The following KIAA1671 variants were observed in gnomAD, a reference collection of about 807,000 sequenced individuals.
KIAA1671 encodes KIAA1671, also known as uncharacterized protein KIAA1671.
Under a neutral mutation model 131.2 loss-of-function variants are expected in KIAA1671, and 52 were observed. The ratio of observed to expected loss-of-function variants is 0.40; its 90% CI spans 0.32 to 0.50. The LOEUF (loss-of-function observed/expected upper bound fraction) is 0.50, where lower values mean the gene tolerates loss of function less well. KIAA1671 is among the 20% of genes least tolerant of loss of function. KIAA1671 has a pLI of 0.73. For missense variants in KIAA1671, 2,360 were observed against 2,364.2 expected (o/e 1.00, Z 0.04); for synonymous variants, 1,003 against 961.6 (o/e 1.04, Z -0.80).
At chr22:24,992,748 G>T (rs1317442103) in intron 1 of KIAA1671, among the ~76,000 whole-genome samples, 1 of 140,100 alleles carries the variant, frequency 7.1e-6, no homozygotes, top group Non-Finnish European at 1.5e-5. Context: ...CCGGGAGGCG[G>T]AGGTTGCAGT....
intron 1 of KIAA1671, among the ~76,000 whole-genome samples, chr22:24,971,218 AGTGCTG>A (rs1922597731): frequency 1.3e-5 from 2 of 152,190 alleles, no homozygotes; most frequent in Admixed American, 1.3e-4. Context: ...GGCCTCCCAA[AGTGCTG>A]GGATTACAGG....
Position 24,987,022 on chromosome 22 carries a change from C to T in KIAA1671, c.-208+34250C>T, listed in dbSNP as rs1000124918. Among the ~76,000 whole-genome samples, 5 of 152,150 alleles carry T rather than the reference C, an allele frequency of 3.3e-5. No individual in the cohort carries two copies. In the East Asian group the frequency reaches 9.7e-4, roughly 29 times the overall value. On this transcript the variant is annotated intron_variant, in intron 1 of 12. Coordinates refer to ENST00000358431, the MANE Select transcript of KIAA1671 (RefSeq NM_001145206.2). The stretch of plus-strand genomic sequence containing the variant: ...CCGTTTACTGCACAAGCAGCCCAGA[C>T]AGGATGTAAACAAGTGGGTGTGGCT...
intron 1 of KIAA1671, among the ~76,000 whole-genome samples, chr22:24,962,238 G>C (rs1465755306): frequency 6.6e-6 from 1 of 152,150 alleles, no homozygotes; most frequent in Non-Finnish European, 1.5e-5. Flanking sequence ...AGCTGTGCTC[G>C]TTGTGGGCCA....
At chr22:25,042,224 C>T (rs923164147) in intron 5 of KIAA1671, among the ~76,000 whole-genome samples, 2 of 152,210 alleles carry the variant, frequency 1.3e-5, no homozygotes, top group African/African-American at 4.8e-5. Flanking sequence ...AGCGCGCCGG[C>T]CACCTGTTTT....
Position 25,041,345 on chromosome 22 carries a change from CAAG to C in KIAA1671, c.4217_4219del (p.Lys1406del). 6.4e-7 allele frequency: 1 copy of C among 1,551,690 alleles called. No homozygotes were observed. The highest frequency in any genetic ancestry group is 8.7e-7 in the Non-Finnish European group (1 of 1,147,000). On this transcript the variant is annotated inframe_deletion, in exon 5 of 13. Transcript: ENST00000358431. Reference sequence around the variant, plus strand: ...ACTGTGGACGGGTGCCGCTGGATATCAAGAGGGCCTACTCAGAGAAGGGGCCCC... The same window carrying C: ...ACTGTGGACGGGTGCCGCTGGATATCAGGGCCTACTCAGAGAAGGGGCCCC...
chr22:25,122,276 A>G (rs1215573995), intron 6 of KIAA1671, among the ~76,000 whole-genome samples: 1 of 152,148 alleles, frequency 6.6e-6, no homozygotes, highest in Non-Finnish European at 1.5e-5. Context: ...CCAGTGTGAC[A>G]TGTCGGTTTA....
Position 25,197,211 on chromosome 22 carries a change from C to T in KIAA1671, c.*4810C>T, listed in dbSNP as rs1601404070. On this transcript the variant is annotated 3_prime_UTR_variant, in exon 13 of 13. Coordinates refer to ENST00000358431, the MANE Select transcript of KIAA1671 (RefSeq NM_001145206.2). ...TCTAACCGTGTGACTGAGAAGTCAT[C>T]TAGAAAAACTTATATTTTTAATGTA... 6.6e-6 allele frequency: 1 copy of T among 152,254 alleles called. No individual in the cohort carries two copies. The highest frequency in any genetic ancestry group is 3.4e-3 in the Middle Eastern group (1 of 294). The allele number at this position is 152,254 out of a possible 1,614,324, so 9.4% of individuals were successfully genotyped here. A position where few individuals can be genotyped will look rare whatever the true frequency, so the allele number is the denominator to read the frequency against.
chr22:25,040,436 T>G lies in KIAA1671; in HGVS notation c.3306T>G (p.Thr1102=). The G allele has an allele frequency of 3.9e-6, 6 of 1,551,980 alleles. No homozygotes were observed. The highest frequency in any genetic ancestry group is 5.2e-6 in the Non-Finnish European group (6 of 1,147,048). Residue 1102 remains threonine (T), a synonymous_variant, in exon 5 of 13, where the codon ACT becomes ACG. Transcript: ENST00000358431. ...REHENASILK[T]LKPTDRPSSL... is the part of the protein sequence containing the mutation. ...ATGAAAATGCAAGCATTTTAAAAAC[T>G]CTGAAGCCAACAGACCGTCCATCAT...
At chr22:24,958,578 G>T (rs1268694032) in intron 1 of KIAA1671, among the ~76,000 whole-genome samples, 2 of 151,076 alleles carry the variant, frequency 1.3e-5, no homozygotes, top group Non-Finnish European at 2.9e-5. Context: ...TTGAACCCCG[G>T]AGGTGGAGGG....
At chr22:25,047,841 T>C (rs1402990236) in intron 5 of KIAA1671, among the ~76,000 whole-genome samples, 2 of 152,392 alleles carry the variant, frequency 1.3e-5, no homozygotes, top group East Asian at 3.9e-4. Context: ...TTTTATTTAT[T>C]GTTCTTTTGT....
chr22:25,168,706 A>T (rs965308460), intron 6 of KIAA1671, among the ~76,000 whole-genome samples: 3 of 152,062 alleles, frequency 2.0e-5, no homozygotes, highest in Non-Finnish European at 4.4e-5. Context: ...AAAAAAAAAA[A>T]AGTTTAGGGA....
intron 6 of KIAA1671, among the ~76,000 whole-genome samples, chr22:25,065,636 T>C (rs1029638019): frequency 2.6e-5 from 4 of 151,228 alleles, no homozygotes; most frequent in African/African-American, 9.7e-5. Context: ...AGAATTATTA[T>C]TATTATTATT....
At chr22:25,161,325 G>A (rs1001472125) in intron 6 of KIAA1671, among the ~76,000 whole-genome samples, 3 of 152,226 alleles carry the variant, frequency 2.0e-5, no homozygotes, top group African/African-American at 7.2e-5. Context: ...GCTCTGATGG[G>A]GAGGATGCCC....
chr22:25,092,906 G>A (rs948844002), intron 6 of KIAA1671, among the ~76,000 whole-genome samples: 1 of 152,154 alleles, frequency 6.6e-6, no homozygotes, highest in Non-Finnish European at 1.5e-5. Context: ...GTGGCCCCTC[G>A]GCCCCCTGCA....
At chr22:25,096,033 C>T (rs144997284) in intron 6 of KIAA1671, among the ~76,000 whole-genome samples, 38 of 152,312 alleles carry the variant, frequency 2.5e-4, no homozygotes, top group African/African-American at 7.0e-4. Context: ...CCCTGCCTGC[C>T]GCAGATGGTA....
chr22:24,988,410 C>G (rs1923667424), intron 1 of KIAA1671, among the ~76,000 whole-genome samples: 1 of 151,962 alleles, frequency 6.6e-6, no homozygotes, highest in African/African-American at 2.4e-5. Flanking sequence ...TCATATGATC[C>G]TTTGGGTAGA....
chr22:25,154,859 A>T (rs1394908622), intron 6 of KIAA1671, among the ~76,000 whole-genome samples: 1 of 152,216 alleles, frequency 6.6e-6, no homozygotes, highest in Non-Finnish European at 1.5e-5. Context: ...TGCAGGGCAG[A>T]TGAGAGGGGG....
chr22:25,133,180 C>T (rs906055231), intron 6 of KIAA1671, among the ~76,000 whole-genome samples: 5 of 152,120 alleles, frequency 3.3e-5, no homozygotes, highest in Admixed American at 2.0e-4. Flanking sequence ...AACCTCCAGA[C>T]GTGGTCCTTG....
intron 6 of KIAA1671, among the ~76,000 whole-genome samples, chr22:25,168,186 C>T (rs944018423): frequency 6.6e-6 from 1 of 152,200 alleles, no homozygotes; most frequent in African/African-American, 2.4e-5. Context: ...TAAGCACCTA[C>T]TGCGTGCCAG....
Sources: gnomAD v4.1 joint callset for allele counts (sites outside exome capture counted in the v4.1 genomes callset) on GRCh38, gnomAD v4.1.1 for gene constraint, MANE v1.5 for transcripts, NCBI Gene and HGNC (gene_info 2026-07-23, HGNC 2026-07-21) for gene names.